ANKMY1: variants seen among roughly 807,000 people sequenced by gnomAD.
The protein encoded by ANKMY1 is ankyrin repeat and MYND domain containing 1, also known as ankyrin repeat and MYND domain-containing protein 1.
Under a neutral mutation model 102.0 loss-of-function variants are expected in ANKMY1, and 98 were observed. That is an observed-to-expected ratio of 0.96 (90% CI 0.82 to 1.14). ANKMY1 has a LOEUF of 1.14. ANKMY1 is among the 50% of genes most tolerant of loss of function. The pLI, the probability that ANKMY1 is intolerant of heterozygous loss-of-function variation, is 0.00. For synonymous variants in ANKMY1, 582 were observed against 559.9 expected (o/e 1.04, Z -0.56); for missense variants, 1,330 against 1,347.6 (o/e 0.99, Z 0.20).
intron 15 of ANKMY1, among the ~76,000 whole-genome samples, chr2:240,490,094 T>G (rs1458559027): frequency 6.6e-6 from 1 of 152,234 alleles, no homozygotes; most frequent in Non-Finnish European, 1.5e-5. Context: ...TTGTAATATC[T>G]CCTTTTCCAT....
chr2:240,499,966 C>G lies in ANKMY1; in HGVS notation c.2798G>C (p.Cys933Ser), dbSNP rs2077896924. 1 of 1,612,228 alleles carries G rather than the reference C, an allele frequency of 6.2e-7. No homozygotes were observed. The highest frequency in any genetic ancestry group is 2.2e-5 in the East Asian group (1 of 44,878). ...SQWDPTWLYL[C>S]KRAELIPSHR... Reference sequence around the variant, plus strand: ...CAGGGCCCACTGCTCACCTCTCTTGCACAGGTACAGCCACGTGGGGTCCCA... The same window carrying G: ...CAGGGCCCACTGCTCACCTCTCTTGGACAGGTACAGCCACGTGGGGTCCCA... The change falls in exon 15 of 18, where the codon TGC (cysteine) becomes TCC (serine). Residue 933 changes from cysteine to serine, a missense_variant. Cys to Ser is a moderately radical substitution (Grantham distance 112). Transcript: ENST00000401804. This position sits in a 1 kb window ranked among gnomAD's most constrained non-coding sequence, Gnocchi z 4.2.
Position 240,555,030 on chromosome 2 carries a change from C to T in ANKMY1, c.172G>A (p.Glu58Lys). The T allele has an allele frequency of 1.9e-6, 3 of 1,614,080 alleles. No individual in the cohort carries two copies. The highest frequency in any genetic ancestry group is 2.5e-6 in the Non-Finnish European group (3 of 1,179,978). Residue 58 changes from glutamate to lysine, a missense_variant, in exon 3 of 18, where the codon GAA becomes AAA. Physicochemically the swap from Glu to Lys is moderately conservative, Grantham distance 56 (BLOSUM62 1). Transcript: ENST00000401804. ...AGCGGGCCCTCAGCTTCCTCCTCTT[C>T]CTTCTCAGGGGCTGCTGAAACATCC... is the stretch of plus-strand genomic sequence containing the variant. ...TRDVSAAPEKEEEEAEGPLRA... is the reference protein window; with the variant it reads ...TRDVSAAPEKKEEEAEGPLRA...
chr2:240,476,310 C>CCCTTATCTTACACCATATAA (rs1287769158), downstream of ANKMY1, among the ~76,000 whole-genome samples: 73 of 152,102 alleles, frequency 4.8e-4, no homozygotes, highest in African/African-American at 1.7e-3. Context: ...AGAAATTGGA[C>CCCTTATCTTACACCATATAA]CCTTATCTTA....
At chr2:240,526,179 C>T (rs2083353434) in intron 6 of ANKMY1, 50 bp downstream of exon 6, 1 of 1,608,022 alleles carries the variant, frequency 6.2e-7, no homozygotes. Flanking sequence ...CATGTGTGAC[C>T]CTCACAGCTA....
At chr2:240,556,336 G>A (rs932238166) in intron 2 of ANKMY1, among the ~76,000 whole-genome samples, 4 of 152,180 alleles carry the variant, frequency 2.6e-5, no homozygotes, top group African/African-American at 4.8e-5. Context: ...AGCGAGATCC[G>A]CTCTCTTATC....
chr2:240,532,078 T>G (rs562304907), intron 4 of ANKMY1: 2 of 468,566 alleles, frequency 4.3e-6, no homozygotes, highest in Non-Finnish European at 8.8e-6. Flanking sequence ...CAGGCAATAT[T>G]TGAAGAAATA....
intron 4 of ANKMY1, among the ~76,000 whole-genome samples, chr2:240,532,783 T>C (rs1038438128): frequency 7.2e-5 from 11 of 152,338 alleles, no homozygotes; most frequent in Admixed American, 5.2e-4. Flanking sequence ...CCCCTATATA[T>C]GTCCTCAAAT....
intron 16 of ANKMY1, 102 bp from the exon 17 acceptor site, chr2:240,481,199 A>G: frequency 6.9e-7 from 1 of 1,451,704 alleles, no homozygotes; most frequent in East Asian, 2.4e-5. Flanking sequence ...CTCCTGGGCT[A>G]TTCCCCACCG....
chr2:240,507,810 C>G, intron 12 of ANKMY1, 119 bp from the exon 13 acceptor site: 17 of 1,239,554 alleles, frequency 1.4e-5, no homozygotes, highest in Admixed American at 3.2e-5. Flanking sequence ...TTCACGGAGG[C>G]CACCGCTGGC....
At position 240,499,872 on chromosome 2, in the gene ANKMY1, G is replaced by A. The variant is rs893783858; in HGVS notation, c.2806+86C>T. The A allele has an allele frequency of 2.7e-6, 4 of 1,463,196 alleles. No individual in the cohort carries two copies. The highest frequency in any genetic ancestry group is 2.7e-6 in the Non-Finnish European group (3 of 1,097,960). 90.6% of individuals were successfully genotyped at this position (1,463,196 alleles called of 1,614,324 possible). A position where few individuals can be genotyped will look rare whatever the true frequency, so the allele number is the denominator to read the frequency against. ...GAAGGCCCCTCCAAGAGCCCCAGGG[G>A]GTCCAGATCTCCAGGGATAACAGCC... On this transcript the variant is annotated intron_variant, in intron 15 of 17. Transcript: ENST00000401804. This position sits in a 1 kb window ranked among gnomAD's most constrained non-coding sequence, Gnocchi z 4.2.
At chr2:240,550,486 A>T (rs2091312642) in intron 4 of ANKMY1, among the ~76,000 whole-genome samples, 1 of 152,164 alleles carries the variant, frequency 6.6e-6, no homozygotes. Context: ...CACATTGTGC[A>T]CATGTACCCT....
rs929537383 is a variant in ANKMY1, at chr2:240,506,780, A to AGGGCAGC, written c.2526+773_2526+779dup. 1.3e-5 allele frequency among the ~76,000 whole-genome samples: 2 copies of AGGGCAGC among 152,032 alleles called. No individual in the cohort carries two copies. Among genetic ancestry groups the AGGGCAGC allele is most frequent in the Non-Finnish European group, 2.9e-5 (2 of 68,010 alleles). ...ACACAGGAAGGGCTGGCATGGGCGG[A>AGGGCAGC]GGGCAGCAGGCAGCAGGGCACAGAG... is the stretch of plus-strand genomic sequence containing the variant. On this transcript the variant is annotated intron_variant, in intron 13 of 17. Coordinates refer to ENST00000401804, the MANE Select transcript of ANKMY1 (RefSeq NM_001282771.3). The surrounding 1 kb of genome is among the most constrained non-coding windows in gnomAD (Gnocchi z 4.9).
At chr2:240,512,048 G>A in intron 10 of ANKMY1, 47 bp from the exon 11 acceptor site, 3 of 1,487,538 alleles carry the variant, frequency 2.0e-6, no homozygotes, top group Middle Eastern at 1.8e-4. Flanking sequence ...CCTGCCGTGT[G>A]CCCACGGGAA....
At chr2:240,470,937 G>A in the ANKMY1 span, among the ~76,000 whole-genome samples, 1 of 152,128 alleles carries the variant, frequency 6.6e-6, no homozygotes, top group Non-Finnish European at 1.5e-5. Flanking sequence ...GGTGTATCAG[G>A]CACAGAAATA....
intron 4 of ANKMY1, among the ~76,000 whole-genome samples, chr2:240,538,947 G>C (rs911833609): frequency 2.6e-5 from 4 of 152,192 alleles, no homozygotes; most frequent in African/African-American, 9.7e-5. Flanking sequence ...GATTGTAAAT[G>C]CACCAATCAG....
chr2:240,543,243 C>G (rs1236653411), intron 4 of ANKMY1, among the ~76,000 whole-genome samples: 1 of 151,528 alleles, frequency 6.6e-6, no homozygotes, highest in East Asian at 1.9e-4. Flanking sequence ...GTCCCAGCTA[C>G]TCGGGAGGCT....
chr2:240,497,170 G>A (rs1019953042), intron 15 of ANKMY1, among the ~76,000 whole-genome samples: 1 of 151,676 alleles, frequency 6.6e-6, no homozygotes, highest in Non-Finnish European at 1.5e-5. Flanking sequence ...CTTGGAAGCT[G>A]AGCATAAGAA....
chr2:240,521,770 T>G (rs960262589), intron 8 of ANKMY1, among the ~76,000 whole-genome samples: 25 of 152,238 alleles, frequency 1.6e-4, no homozygotes, highest in Admixed American at 1.5e-3. Context: ...AGTGCTGGGA[T>G]TACAGGAGTG....
chr2:240,511,798 C>T (rs1047043230), intron 11 of ANKMY1, 63 bp downstream of exon 11: 31 of 1,507,818 alleles, frequency 2.1e-5, no homozygotes, highest in African/African-American at 4.3e-5. Context: ...GGGCACAAGG[C>T]CCTGGAAGGT....
Sources: gnomAD v4.1 joint callset for allele counts (sites outside exome capture counted in the v4.1 genomes callset) on GRCh38, gnomAD v4.1.1 for gene constraint, Gnocchi (gnomAD v3.1) non-coding constraint, MANE v1.5 for transcripts, NCBI Gene and HGNC (gene_info 2026-07-23, HGNC 2026-07-21) for gene names.